Variants in GRIN2C observed in about 807,000 individuals in gnomAD.
GRIN2C encodes glutamate receptor ionotropic, NMDA 2C.
Under a neutral mutation model 77.7 loss-of-function variants are expected in GRIN2C, and 64 were observed. That is an observed-to-expected ratio of 0.82 (90% CI 0.67 to 1.01). The LOEUF (loss-of-function observed/expected upper bound fraction) is 1.01, where lower values mean the gene tolerates loss of function less well. GRIN2C is among the 50% of genes least tolerant of loss of function. The pLI is 0.00. For missense variants in GRIN2C, 1,549 were observed against 1,486.0 expected, an observed-to-expected ratio of 1.04 and a Z score of -0.70; for synonymous variants, 792 against 643.4, an observed-to-expected ratio of 1.23 and a Z score of -3.49.
At chr17:74,855,756 G>A (rs1014217803) in intron 1 of GRIN2C, among the ~76,000 whole-genome samples, 2 of 152,054 alleles carry the variant, frequency 1.3e-5, no homozygotes, top group African/African-American at 4.8e-5. Context: ...CTCTCACCAG[G>A]GCCTGTGCTA....
intron 1 of GRIN2C, among the ~76,000 whole-genome samples, chr17:74,858,756 C>G (rs2037884526): frequency 6.6e-6 from 1 of 151,996 alleles, no homozygotes; most frequent in Admixed American, 6.6e-5. Context: ...CCTCTGCACC[C>G]TGACCGCAAC....
chr17:74,854,862 G>A lies in GRIN2C; in HGVS notation c.231C>T (p.Leu77=), dbSNP rs1299051028. ...VGVNTTNPSS[L]LTQICGLLGA... ...CCAGGAGGCCGCAGATCTGGGTGAG[G>A]AGGCTGCTGGGGTTGGTGGTGTTGA... The change falls in exon 2 of 13, where the codon CTC becomes CTT. Residue 77 remains leucine (L), a synonymous_variant. Transcript: ENST00000293190. The A allele has an allele frequency of 1.2e-6, 2 of 1,613,284 alleles. No individual in the cohort carries two copies. Among genetic ancestry groups the A allele is most frequent in the Non-Finnish European group, 1.7e-6 (2 of 1,179,446 alleles).
chr17:74,844,549 C>T (rs927144479), intron 11 of GRIN2C, 41 bp from the exon 12 acceptor site: 5 of 1,595,642 alleles, frequency 3.1e-6, no homozygotes, highest in Non-Finnish European at 3.4e-6. Flanking sequence ...AGGAAACCCC[C>T]CTATAAGCAA....
At chr17:74,860,626 G>A (rs2037929938), upstream of GRIN2C, 1 of 402,504 alleles carries the variant, frequency 2.5e-6, no homozygotes, top group Non-Finnish European at 5.0e-6. Flanking sequence ...CGGCTGGTGC[G>A]CAGCCAGGGC....
At chr17:74,856,567 C>T (rs779671657) in intron 1 of GRIN2C, among the ~76,000 whole-genome samples, 14 of 151,742 alleles carry the variant, frequency 9.2e-5, no homozygotes, top group African/African-American at 2.2e-4. Flanking sequence ...CAAGCTCCAC[C>T]TCCCGGGTTC....
chr17:74,852,050 G>A lies in GRIN2C; in HGVS notation c.961C>T (p.Pro321Ser). ...TCCCGGGCAGGGCTGACGGGCCCAG[G>A]GTGAACACGGCAGTCCCCGGCCGGG... is the stretch of plus-strand genomic sequence containing the variant. ...PAPAGDCRVH[P>S]GPVSPAREAF... is the part of the protein sequence containing the mutation. Residue 321 changes from proline to serine, a missense_variant, in exon 3 of 13, where the codon CCT becomes TCT. Physicochemically the swap from Pro to Ser is moderately conservative, Grantham distance 74 (BLOSUM62 -1). Coordinates refer to ENST00000293190, the MANE Select transcript of GRIN2C (RefSeq NM_000835.6). 6.8e-7 allele frequency: 1 copy of A among 1,464,424 alleles called. No individual in the cohort carries two copies. The highest frequency in any genetic ancestry group is 9.0e-7 in the Non-Finnish European group (1 of 1,107,216). The allele number at this position is 1,464,424 out of a possible 1,614,324, so 90.7% of individuals were successfully genotyped here.
rs2037567736 is a variant in GRIN2C, at chr17:74,849,591, CTAGA to C, written c.1645+185_1645+188del. Among the ~76,000 whole-genome samples, 1 of 152,162 alleles carries C rather than the reference CTAGA, an allele frequency of 6.6e-6. No homozygotes were observed. The highest frequency in any genetic ancestry group is 2.4e-5 in the African/African-American group (1 of 41,434). Reference sequence around the variant, plus strand: ...CCCCACCCTCACCTGGCAGCCATACCTAGAACCGAACACTGACTTCACTTCTCCT... The same window carrying C: ...CCCCACCCTCACCTGGCAGCCATACCACCGAACACTGACTTCACTTCTCCT... On this transcript the variant is annotated intron_variant, in intron 7 of 12. Coordinates refer to ENST00000293190, the MANE Select transcript of GRIN2C (RefSeq NM_000835.6). This position sits in a 1 kb window ranked among gnomAD's most constrained non-coding sequence, Gnocchi z 4.6.
rs987252169 is a variant in GRIN2C at position 74,853,861 on chromosome 17, G to A, written c.399+833C>T. On this transcript the variant is annotated intron_variant, in intron 2 of 12. Coordinates refer to ENST00000293190, the MANE Select transcript of GRIN2C (RefSeq NM_000835.6). ...CAGGGGCAGGGCCAGGAAGCTCACA[G>A]GGCTAAGGCAGGCACAGACCACGGC... The A allele has an allele frequency of 1.1e-4, 17 of 152,262 alleles. 1 individual carries two copies. Among genetic ancestry groups the A allele is most frequent in the African/African-American group, 3.4e-4 (14 of 41,440 alleles). 9.4% of individuals were successfully genotyped at this position (152,262 alleles called of 1,614,324 possible).
chr17:74,854,576 C>G (rs1361033653), intron 2 of GRIN2C, 118 bp downstream of exon 2: 3 of 761,434 alleles, frequency 3.9e-6, no homozygotes, highest in Non-Finnish European at 6.6e-6. Context: ...ACATCATGCC[C>G]TCAGCCCCCA....
In GRIN2C at chr17:74,859,724, C is replaced by T. The variant is rs995195071; in HGVS notation, c.-16+20G>A. ...GCCACCGGGACGCCCCGCCCCCTCCCCTCCGCAGCAATCTCTTACACTCGG... is the reference window on the plus strand; with the variant it reads ...GCCACCGGGACGCCCCGCCCCCTCCTCTCCGCAGCAATCTCTTACACTCGG... On this transcript the variant is annotated intron_variant, in intron 1 of 12. Transcript: ENST00000293190. The surrounding 1 kb of genome is among the most constrained non-coding windows in gnomAD (Gnocchi z 5.9). The T allele has an allele frequency of 9.8e-5, 15 of 152,366 alleles. No individual in the cohort carries two copies. Among genetic ancestry groups the T allele is most frequent in the African/African-American group, 3.6e-4 (15 of 41,434 alleles). 9.4% of individuals were successfully genotyped at this position (152,366 alleles called of 1,614,324 possible).
In GRIN2C at chr17:74,851,423, C is replaced by T. The variant is rs1310648515; in HGVS notation, c.1113+154G>A. ...TCACCCACCCCGGGGCACCTGGAGG[C>T]TTCCCAGTGGAGGAGATGTTTGTTT... On this transcript the variant is annotated intron_variant, in intron 4 of 12. Coordinates refer to ENST00000293190, the MANE Select transcript of GRIN2C (RefSeq NM_000835.6). 4 of 595,246 alleles carry T rather than the reference C, an allele frequency of 6.7e-6. No individual in the cohort carries two copies. In the East Asian group the frequency reaches 1.1e-4, roughly 17 times the overall value. 36.9% of individuals were successfully genotyped at this position (595,246 alleles called of 1,614,324 possible).
chr17:74,860,044 G>A (rs1244556654), upstream of GRIN2C, among the ~76,000 whole-genome samples: 1 of 151,690 alleles, frequency 6.6e-6, no homozygotes, highest in Non-Finnish European at 1.5e-5. Context: ...AAGCTGGGTC[G>A]TGACCCCGAG....
intron 1 of GRIN2C, among the ~76,000 whole-genome samples, chr17:74,855,684 C>A (rs887876872): frequency 6.6e-6 from 1 of 152,196 alleles, no homozygotes; most frequent in Admixed American, 6.5e-5. Flanking sequence ...TCTTGCATCA[C>A]CCCCAACCCC....
Position 74,849,996 on chromosome 17 carries a change from G to A in GRIN2C, c.1492-63C>T. 3 of 1,538,112 alleles carry A rather than the reference G, an allele frequency of 2.0e-6. No individual in the cohort carries two copies. Among genetic ancestry groups the A allele is most frequent in the Non-Finnish European group, 2.7e-6 (3 of 1,131,418 alleles). On this transcript the variant is annotated intron_variant, in intron 6 of 12. Coordinates refer to ENST00000293190, the MANE Select transcript of GRIN2C (RefSeq NM_000835.6). The surrounding 1 kb of genome is among the most constrained non-coding windows in gnomAD (Gnocchi z 4.6). The stretch of plus-strand genomic sequence containing the variant: ...TCCCGTGGGGTGGACACGCTGCACA[G>A]GCACCTCCAGACACCCCTTCTAGCA...
intron 1 of GRIN2C, among the ~76,000 whole-genome samples, chr17:74,857,329 G>A (rs962625440): frequency 2.0e-5 from 3 of 152,158 alleles, no homozygotes; most frequent in Non-Finnish European, 2.9e-5. Flanking sequence ...AAGCTAAAGT[G>A]CCAGGTGGTA....
At chr17:74,860,605 A>AC (rs1455463702), upstream of GRIN2C, 1 of 425,590 alleles carries the variant, frequency 2.3e-6, no homozygotes, top group African/African-American at 2.0e-5. Flanking sequence ...GCCCCCAGAG[A>AC]CCGGCGCAGG....
chr17:74,851,875 G>A, intron 3 of GRIN2C, 138 bp downstream of exon 3: 1 of 716,686 alleles, frequency 1.4e-6, no homozygotes, highest in South Asian at 1.9e-5. Context: ...AGGACACTAA[G>A]GCCCAGACAG....
rs376131073 is a variant in GRIN2C at position 74,847,503 on chromosome 17, G to A, written c.1806C>T (p.Ser602=). 8.7e-6 allele frequency: 14 copies of A among 1,613,796 alleles called. No individual in the cohort carries two copies. Among genetic ancestry groups the A allele is most frequent in the South Asian group, 3.3e-5 (3 of 91,070 alleles). Residue 602 remains serine (S), a synonymous_variant, in exon 9 of 13, where the codon TCC becomes TCT. Transcript: ENST00000293190. This position sits in a 1 kb window ranked among gnomAD's most constrained non-coding sequence, Gnocchi z 5.2. ...SGGPAFTIGK[S]VWLLWALVFN... Reference sequence around the variant, plus strand: ...AGACCAGCGCCCACAGCAGCCACACGGACTTGCCGATAGTGAAAGCTGGGC... The same window carrying A: ...AGACCAGCGCCCACAGCAGCCACACAGACTTGCCGATAGTGAAAGCTGGGC...
Position 74,856,731 on chromosome 17 carries a change from G to A in GRIN2C, c.-15-1624C>T, listed in dbSNP as rs190853612. ...CCTGACCTCATGATCTGCCCACCTC[G>A]GCCTCCCAAAGTGCTGGGATTACAG... On this transcript the variant is annotated intron_variant, in intron 1 of 12. Transcript: ENST00000293190. 2.2e-3 allele frequency among the ~76,000 whole-genome samples: 342 copies of A among 152,046 alleles called. 1 individual carries two copies. The highest frequency in any genetic ancestry group is 7.8e-3 in the African/African-American group (322 of 41,454).
Sources: allele counts gnomAD v4.1 joint callset (sites outside exome capture counted in the v4.1 genomes callset), GRCh38; gene constraint gnomAD v4.1.1; non-coding constraint Gnocchi (gnomAD v3.1); transcripts MANE v1.5; gene names NCBI Gene and HGNC (gene_info 2026-07-23, HGNC 2026-07-21).